The following SH3RF2 variants were observed in gnomAD, a reference collection of about 807,000 sequenced individuals.
SH3RF2 encodes E3 ubiquitin-protein ligase SH3RF2.
A neutral mutation model predicts 59.0 loss-of-function variants in SH3RF2; 43 were observed. The ratio of observed to expected loss-of-function variants is 0.73; its 90% CI spans 0.57 to 0.94. The LOEUF (loss-of-function observed/expected upper bound fraction) is 0.94. Among genes scored for constraint, SH3RF2 ranks in the 40% least tolerant of loss-of-function variants. The pLI, the probability that SH3RF2 is intolerant of heterozygous loss-of-function variation, is 0.00. For missense variants in SH3RF2, 930 were observed against 940.1 expected (o/e 0.99, Z 0.14); for synonymous variants, 391 against 391.5 (o/e 1.00, Z 0.01).
intron 4 of SH3RF2, among the ~76,000 whole-genome samples, chr5:146,011,519 A>T (rs948019534): frequency 1.3e-5 from 2 of 152,144 alleles, no homozygotes; most frequent in African/African-American, 4.8e-5. Flanking sequence ...TGAGCATGGA[A>T]TGTTCTTCCA....
At chr5:145,965,241 TCACCC>T (rs965370218) in intron 2 of SH3RF2, among the ~76,000 whole-genome samples, 6 of 152,032 alleles carry the variant, frequency 3.9e-5, no homozygotes, top group African/African-American at 1.2e-4. Context: ...TGTATTTCAG[TCACCC>T]ACTGCAATTT....
chr5:145,995,653 T>C (rs1760119992), intron 2 of SH3RF2, among the ~76,000 whole-genome samples: 1 of 152,200 alleles, frequency 6.6e-6, no homozygotes, highest in Non-Finnish European at 1.5e-5. Context: ...ATAGAAAAGT[T>C]AGAGAACACA....
At chr5:146,064,862 A>AAG (rs113346910), downstream of SH3RF2, among the ~76,000 whole-genome samples, 2 of 29,780 alleles carry the variant, frequency 6.7e-5, 1 homozygote. Flanking sequence ...GAAAGAAAGA[A>AAG]AGAGAAAGAA....
At chr5:145,994,699 G>A (rs566746102) in intron 2 of SH3RF2, among the ~76,000 whole-genome samples, 6 of 152,286 alleles carry the variant, frequency 3.9e-5, no homozygotes, top group South Asian at 2.1e-4. Flanking sequence ...TCCCAAACAC[G>A]TGGGAATTCA....
intron 2 of SH3RF2, among the ~76,000 whole-genome samples, chr5:145,998,596 CTT>C (rs771941891): frequency 6.6e-6 from 1 of 152,034 alleles, no homozygotes; most frequent in Non-Finnish European, 1.5e-5. Context: ...AAGTCAAACA[CTT>C]TTTTTTCATT....
At chr5:146,020,364 C>CT (rs1231755393) in intron 5 of SH3RF2, among the ~76,000 whole-genome samples, 1 of 152,206 alleles carries the variant, frequency 6.6e-6, no homozygotes, top group Non-Finnish European at 1.5e-5. Flanking sequence ...TAGGCCACCT[C>CT]TTTGCTTTTT....
intron 2 of SH3RF2, among the ~76,000 whole-genome samples, chr5:145,979,283 A>G (rs1759422423): frequency 6.6e-6 from 1 of 152,204 alleles, no homozygotes; most frequent in Non-Finnish European, 1.5e-5. Flanking sequence ...TTATTGCAAC[A>G]AGCCCTCCAA....
chr5:146,057,497 C>T (rs1762712397), intron 8 of SH3RF2, among the ~76,000 whole-genome samples: 1 of 152,198 alleles, frequency 6.6e-6, no homozygotes, highest in Admixed American at 6.5e-5. Context: ...AATAAAACAA[C>T]CCATATATGG....
chr5:145,973,625 T>C (rs1234504803), intron 2 of SH3RF2, among the ~76,000 whole-genome samples: 1 of 152,238 alleles, frequency 6.6e-6, no homozygotes, highest in Admixed American at 6.5e-5. Context: ...CTTCCCTATG[T>C]CTTTCTCCAA....
At chr5:145,948,787 T>C (rs928144824) in intron 2 of SH3RF2, among the ~76,000 whole-genome samples, 8 of 152,068 alleles carry the variant, frequency 5.3e-5, no homozygotes, top group African/African-American at 1.9e-4. Flanking sequence ...CCTCCGCAGG[T>C]TCCCAGTCTC....
chr5:145,987,200 C>T (rs908984430), intron 2 of SH3RF2, among the ~76,000 whole-genome samples: 4 of 152,136 alleles, frequency 2.6e-5, no homozygotes, highest in African/African-American at 9.7e-5. Context: ...CTCTGTTTTA[C>T]ATTTTTTTCC....
At chr5:145,957,294 C>A (rs577193344) in intron 2 of SH3RF2, among the ~76,000 whole-genome samples, 1 of 151,914 alleles carries the variant, frequency 6.6e-6, no homozygotes, top group Non-Finnish European at 1.5e-5. Flanking sequence ...GGCTCCTGTG[C>A]GGGAAATGAA....
At chr5:146,070,235 A>G (rs1763203813) in intron 9 of SH3RF2, among the ~76,000 whole-genome samples, 1 of 152,208 alleles carries the variant, frequency 6.6e-6, no homozygotes, top group South Asian at 2.1e-4. Context: ...CCTCTTCTCA[A>G]TGGCAACTAT....
chr5:145,982,098 C>A (rs1169885020), intron 2 of SH3RF2, among the ~76,000 whole-genome samples: 1 of 152,164 alleles, frequency 6.6e-6, no homozygotes, highest in African/African-American at 2.4e-5. Flanking sequence ...TGCATGAGTG[C>A]CTCAGGTATG....
chr5:146,064,870 G>GAAAGAAAGA (rs1763065643), downstream of SH3RF2, among the ~76,000 whole-genome samples: 2 of 121,898 alleles, frequency 1.6e-5, no homozygotes, highest in African/African-American at 2.9e-5. Flanking sequence ...GAAAGAGAAA[G>GAAAGAAAGA]AAAAAGAAAA....
At position 146,011,889 on chromosome 5, in the gene SH3RF2, T is replaced by C. The variant is rs192108512; in HGVS notation, c.745-1858T>C. On this transcript the variant is annotated intron_variant, in intron 4 of 9. Transcript: ENST00000359120. Reference sequence around the variant, plus strand: ...CCCTTTATTTCTTTCTCCTGCCTGATTGCCCTGGCCAGAACTTCCAACACT... The same window carrying C: ...CCCTTTATTTCTTTCTCCTGCCTGACTGCCCTGGCCAGAACTTCCAACACT... Among the ~76,000 whole-genome samples the C allele has an allele frequency of 3.9e-5, 6 of 152,320 alleles. No individual in the cohort carries two copies. In the East Asian group the frequency reaches 1.2e-3, roughly 29 times the overall value.
At chr5:145,940,058 G>A (rs953104164) in intron 2 of SH3RF2, among the ~76,000 whole-genome samples, 6 of 152,200 alleles carry the variant, frequency 3.9e-5, no homozygotes, top group Non-Finnish European at 7.3e-5. Context: ...GGGAATTGAG[G>A]TGAGAGCTGG....
chr5:146,049,218 C>A lies in SH3RF2; in HGVS notation c.1295C>A (p.Pro432Gln). The change falls in exon 7 of 10, where the codon CCA (proline) becomes CAA (glutamine). Residue 432 changes from proline to glutamine, a missense_variant. By Grantham distance (76) the Pro-to-Gln change is moderately conservative (BLOSUM62 -1). Coordinates refer to ENST00000359120, the MANE Select transcript of SH3RF2 (RefSeq NM_152550.4). ...SLVTGRVGIF[P>Q]NNYVIPIFRK... ...GTCACCGGGCGAGTCGGCATCTTCC[C>A]AAACAATTACGTCATCCCCATTTTC... 6.2e-7 allele frequency: 1 copy of A among 1,612,858 alleles called. No homozygotes were observed. The highest frequency in any genetic ancestry group is 8.5e-7 in the Non-Finnish European group (1 of 1,179,276).
At chr5:146,080,283 TA>T (rs910866102) in exon 10 of SH3RF2, 1 of 151,910 alleles carries the variant, frequency 6.6e-6, no homozygotes, top group Non-Finnish European at 1.5e-5. Flanking sequence ...GTGTTAAGGG[TA>T]AAAAGAGGAA....
Sources: allele counts gnomAD v4.1 joint callset (sites outside exome capture counted in the v4.1 genomes callset), GRCh38; gene constraint gnomAD v4.1.1; transcripts MANE v1.5; gene names NCBI Gene and HGNC (gene_info 2026-07-23, HGNC 2026-07-21).